The following ANKRD6 variants were observed in gnomAD, a reference collection of about 807,000 sequenced individuals.
ANKRD6 encodes the protein ankyrin repeat domain-containing protein 6.
ANKRD6 carries 56 observed loss-of-function variants against 82.3 expected under a neutral mutation model. That is an observed-to-expected ratio of 0.68 (90% confidence interval 0.55 to 0.85). The LOEUF (loss-of-function observed/expected upper bound fraction) is 0.85, where lower values mean the gene tolerates loss of function less well. Ranked by LOEUF, ANKRD6 falls within the 40% of genes least tolerant of loss-of-function variation. The pLI, the probability that ANKRD6 is intolerant of heterozygous loss-of-function variation, is 0.00. For synonymous variants in ANKRD6, 347 were observed against 352.1 expected, an observed-to-expected ratio of 0.99 and a Z score of 0.16; for missense variants, 852 against 907.6, an observed-to-expected ratio of 0.94 and a Z score of 0.79.
intron 2 of ANKRD6, among the ~76,000 whole-genome samples, chr6:89,578,774 C>G (rs1791758353): frequency 6.6e-6 from 1 of 152,168 alleles, no homozygotes; most frequent in African/African-American, 2.4e-5. Flanking sequence ...AGCTAGTGCT[C>G]TTATCGCTGA....
At chr6:89,549,795 T>A (rs1367648635) in intron 1 of ANKRD6, among the ~76,000 whole-genome samples, 1 of 151,968 alleles carries the variant, frequency 6.6e-6, no homozygotes, top group East Asian at 1.9e-4. Context: ...AACAGACTGA[T>A]GGGTACATTT....
intron 1 of ANKRD6, among the ~76,000 whole-genome samples, chr6:89,451,972 G>A (rs1034420340): frequency 3.3e-5 from 5 of 152,160 alleles, no homozygotes; most frequent in African/African-American, 1.2e-4. Flanking sequence ...CAAGGCAGGA[G>A]GAATACATGA....
intron 1 of ANKRD6, among the ~76,000 whole-genome samples, chr6:89,476,565 G>T (rs1440090621): frequency 6.6e-6 from 1 of 152,042 alleles, no homozygotes; most frequent in Non-Finnish European, 1.5e-5. Context: ...TTTAAAAGCT[G>T]CATGTTGTAT....
intron 1 of ANKRD6, among the ~76,000 whole-genome samples, chr6:89,434,661 G>A (rs1770400040): frequency 6.6e-6 from 1 of 152,018 alleles, no homozygotes; most frequent in African/African-American, 2.4e-5. Context: ...AGCTGGTCTC[G>A]AACTCCTCCT....
chr6:89,455,172 A>G (rs1227778094), intron 1 of ANKRD6, among the ~76,000 whole-genome samples: 1 of 146,530 alleles, frequency 6.8e-6, no homozygotes, highest in Admixed American at 6.8e-5. Context: ...TTTTTAATCT[A>G]TGTGTTTTCC....
chr6:89,464,643 A>G (rs1774611014), intron 1 of ANKRD6, among the ~76,000 whole-genome samples: 1 of 152,228 alleles, frequency 6.6e-6, no homozygotes, highest in Non-Finnish European at 1.5e-5. Context: ...TTTCATCTAA[A>G]CTACCTTGTA....
intron 1 of ANKRD6, among the ~76,000 whole-genome samples, chr6:89,456,760 A>G (rs2127964594): frequency 6.6e-6 from 1 of 152,336 alleles, no homozygotes; most frequent in African/African-American, 2.4e-5. Context: ...ATTTTATATT[A>G]AAGTGTTAGG....
At chr6:89,588,379 C>T (rs1198205475) in intron 2 of ANKRD6, among the ~76,000 whole-genome samples, 1 of 152,156 alleles carries the variant, frequency 6.6e-6, no homozygotes, top group African/African-American at 2.4e-5. Flanking sequence ...ATAATATAGG[C>T]AGACTGACTC....
intron 1 of ANKRD6, among the ~76,000 whole-genome samples, chr6:89,488,035 C>G (rs1582873999): frequency 1.3e-5 from 2 of 152,306 alleles, no homozygotes; most frequent in Middle Eastern, 6.8e-3. Context: ...TTACTTGATA[C>G]TAAGTCCTGG....
chr6:89,458,522 A>T (rs1773739795), intron 1 of ANKRD6, among the ~76,000 whole-genome samples: 2 of 152,304 alleles, frequency 1.3e-5, no homozygotes, highest in South Asian at 2.1e-4. Flanking sequence ...CTGGCAAATC[A>T]CTGGTGTAAG....
chr6:89,596,722 G>A (rs890386795), intron 3 of ANKRD6, among the ~76,000 whole-genome samples: 6 of 152,210 alleles, frequency 3.9e-5, no homozygotes, highest in Admixed American at 2.6e-4. Context: ...GTGGAGTCAC[G>A]TAGTACAGTG....
chr6:89,485,096 A>G (rs1254736913), intron 1 of ANKRD6, among the ~76,000 whole-genome samples: 1 of 152,140 alleles, frequency 6.6e-6, no homozygotes, highest in African/African-American at 2.4e-5. Flanking sequence ...AGACTGTCTC[A>G]CCCAGCCCAA....
At chr6:89,623,850 G>T in intron 11 of ANKRD6, 22 bp from the exon 12 acceptor site, 1 of 1,604,692 alleles carries the variant, frequency 6.2e-7, no homozygotes, top group Non-Finnish European at 8.5e-7. Context: ...GTTCAGGGGT[G>T]TTGTCTCTTC....
intron 1 of ANKRD6, among the ~76,000 whole-genome samples, chr6:89,471,921 A>C (rs1476939907): frequency 6.9e-6 from 1 of 145,368 alleles, no homozygotes; most frequent in Non-Finnish European, 1.5e-5. Context: ...CCTGGGCAAC[A>C]AGAGCGAAAC....
Position 89,621,904 on chromosome 6 carries a change from G to A in ANKRD6, c.793-18G>A. ...TGCGCACACCAGTGGTTGTAACAATGCCGTTTGCCTCCTTCAGGTCTTGCG... is the reference window on the plus strand; with the variant it reads ...TGCGCACACCAGTGGTTGTAACAATACCGTTTGCCTCCTTCAGGTCTTGCG... On this transcript the variant is annotated intron_variant, in intron 9 of 15. Coordinates refer to ENST00000339746, the MANE Select transcript of ANKRD6 (RefSeq NM_001242809.2). 1 of 1,612,042 alleles carries A rather than the reference G, an allele frequency of 6.2e-7. No homozygotes were observed. The highest frequency in any genetic ancestry group is 1.1e-5 in the South Asian group (1 of 91,008).
At chr6:89,571,309 C>CT (rs1340171199) in intron 2 of ANKRD6, among the ~76,000 whole-genome samples, 1 of 152,086 alleles carries the variant, frequency 6.6e-6, no homozygotes, top group South Asian at 2.1e-4. Flanking sequence ...TGGCCTTGGC[C>CT]TCCCAAAGTG....
intron 1 of ANKRD6, among the ~76,000 whole-genome samples, chr6:89,436,885 A>G (rs1303967623): frequency 6.6e-6 from 1 of 152,188 alleles, no homozygotes; most frequent in Non-Finnish European, 1.5e-5. Flanking sequence ...TCAAGGGGGA[A>G]GAGATGGAAG....
chr6:89,566,895 G>T lies in ANKRD6; in HGVS notation c.-82G>T. 1 of 1,515,446 alleles carries T rather than the reference G, an allele frequency of 6.6e-7. No homozygotes were observed. The highest frequency in any genetic ancestry group is 1.2e-5 in the South Asian group (1 of 81,706). 93.9% of individuals were successfully genotyped at this position (1,515,446 alleles called of 1,614,324 possible). On this transcript the variant is annotated 5_prime_UTR_variant, in exon 2 of 16. Transcript: ENST00000339746. ...ATGATTGTGAACATCTTTACCTCTG[G>T]GTGCCAGGCCGGGCCAGTGACTTCG...
rs1584039555 is a variant in ANKRD6, at chr6:89,632,004, A to C, written c.*1000A>C. ...ACTGTTCCCCAACTTCATGGAGGCC[A>C]GAAGACTTTACTTTGTTCCATAATG... On this transcript the variant is annotated 3_prime_UTR_variant, in exon 16 of 16. Coordinates refer to ENST00000339746, the MANE Select transcript of ANKRD6 (RefSeq NM_001242809.2). 6.6e-6 allele frequency: 1 copy of C among 152,224 alleles called. No homozygotes were observed. The highest frequency in any genetic ancestry group is 1.9e-4 in the East Asian group (1 of 5,198). The allele number at this position is 152,224 out of a possible 1,614,324, so 9.4% of individuals were successfully genotyped here.
Sources: allele counts gnomAD v4.1 joint callset (sites outside exome capture counted in the v4.1 genomes callset), GRCh38; gene constraint gnomAD v4.1.1; transcripts MANE v1.5; gene names NCBI Gene and HGNC (gene_info 2026-07-23, HGNC 2026-07-21).